The following ATP5MC2 variants were observed in gnomAD, a reference collection of about 807,000 sequenced individuals.
ATP5MC2 encodes ATP synthase F(0) complex subunit C2, mitochondrial.
Under a neutral mutation model 13.5 loss-of-function variants are expected in ATP5MC2, and 11 were observed. The ratio of observed to expected loss-of-function variants is 0.81; its 90% confidence interval spans 0.51 to 1.35. The LOEUF is 1.35. Ranked by LOEUF, ATP5MC2 falls within the 40% of genes most tolerant of loss-of-function variation. ATP5MC2 has a pLI of 0.00. For missense variants in ATP5MC2, 132 were observed against 175.0 expected (o/e 0.75, Z 1.39); for synonymous variants, 64 against 69.7 (o/e 0.92, Z 0.41).
upstream of ATP5MC2, among the ~76,000 whole-genome samples, chr12:53,681,341 C>T (rs867065068): frequency 2.0e-4 from 30 of 151,318 alleles, no homozygotes; most frequent in African/African-American, 5.1e-4. Flanking sequence ...GCCTGGCCAA[C>T]GTGGTGAAAC....
intron 3 of ATP5MC2, 107 bp downstream of exon 3, chr12:53,669,764 T>C: frequency 8.2e-7 from 1 of 1,215,540 alleles, no homozygotes; most frequent in South Asian, 1.3e-5. Context: ...CATTCATGAA[T>C]TTTAGCCTGT....
intron 2 of ATP5MC2, among the ~76,000 whole-genome samples, chr12:53,670,609 T>C (rs901321163): frequency 2.0e-5 from 3 of 151,248 alleles, no homozygotes; most frequent in Admixed American, 6.6e-5. Context: ...CGAAGTATGG[T>C]TTCTTTCTTT....
At chr12:53,668,452 C>T (rs936161789) in intron 4 of ATP5MC2, among the ~76,000 whole-genome samples, 5 of 151,608 alleles carry the variant, frequency 3.3e-5, no homozygotes, top group African/African-American at 9.7e-5. Flanking sequence ...TATAGGTGCA[C>T]GCCCCCCTTA....
rs916010110 is a variant in ATP5MC2 at position 53,672,083 on chromosome 12, C to CAAAAAAAAAAAAAAA, written c.39+478_39+492dup. Among the ~76,000 whole-genome samples the CAAAAAAAAAAAAAAA allele has an allele frequency of 1.1e-3, 51 of 47,164 alleles. 3 individuals carry two copies. The East Asian group carries it at 0.011, about 10-fold the overall frequency. The allele number at this position is 47,164 out of a possible 152,430, so 30.9% of individuals were successfully genotyped here. A position where few individuals can be genotyped will look rare whatever the true frequency, so the allele number is the denominator to read the frequency against. On this transcript the variant is annotated intron_variant, in intron 2 of 4. Transcript: ENST00000394349. ...GGGCAACAAGAGCGAAACTCTGTCT[C>CAAAAAAAAAAAAAAA]AAAAAAAAAAAAAAAAAAAAAATTA...
chr12:53,672,529 A>C, intron 2 of ATP5MC2, 47 bp downstream of exon 2: 3 of 1,511,930 alleles, frequency 2.0e-6, no homozygotes, highest in Non-Finnish European at 2.7e-6. Flanking sequence ...AAAGAGAGAG[A>C]CAAGATGTCT....
intron 1 of ATP5MC2, among the ~76,000 whole-genome samples, chr12:53,675,379 G>A (rs1323264770): frequency 1.3e-5 from 2 of 152,160 alleles, no homozygotes; most frequent in African/African-American, 2.4e-5. Context: ...CCCACCATTT[G>A]TGACTTTTAC....
At chr12:53,679,519 C>T (rs1021198835), upstream of ATP5MC2, among the ~76,000 whole-genome samples, 2 of 152,178 alleles carry the variant, frequency 1.3e-5, no homozygotes, top group Non-Finnish European at 2.9e-5. Flanking sequence ...CTTCATCTCT[C>T]GAAGCTTTAG....
intron 2 of ATP5MC2, chr12:53,670,165 G>A (rs1157455255): frequency 1.7e-5 from 10 of 587,144 alleles, no homozygotes; most frequent in Non-Finnish European, 2.2e-5. Flanking sequence ...TTTGCTTTAA[G>A]GAAAGAAAGT....
chr12:53,674,152 G>A (rs117736416), intron 1 of ATP5MC2: 1 of 152,216 alleles, frequency 6.6e-6, no homozygotes, highest in African/African-American at 2.4e-5. Flanking sequence ...TTTGAGACCA[G>A]CCTGGGCAAA....
At chr12:53,665,862 G>A (rs1944899626) in intron 4 of ATP5MC2, among the ~76,000 whole-genome samples, 1 of 152,208 alleles carries the variant, frequency 6.6e-6, no homozygotes, top group Non-Finnish European at 1.5e-5. Context: ...AATTTTAACG[G>A]CTTGGTCTCC....
rs1031598538 is a variant in ATP5MC2 at position 53,672,370 on chromosome 12, C to T, written c.39+206G>A. Among the ~76,000 whole-genome samples, 23 of 152,122 alleles carry T rather than the reference C, an allele frequency of 1.5e-4. No individual in the cohort carries two copies. The East Asian group carries it at 2.7e-3, about 18-fold the overall frequency. On this transcript the variant is annotated intron_variant, in intron 2 of 4. Transcript: ENST00000394349. ...CTGAGTAGCTGGGATTACAGGCGCC[C>T]GCCACCATGCCCAACTGGTTTTCGT...
At chr12:53,667,938 CATACATACATACACACACATATATAT>C (rs1944965617) in intron 4 of ATP5MC2, among the ~76,000 whole-genome samples, 1 of 89,606 alleles carries the variant, frequency 1.1e-5, no homozygotes, top group African/African-American at 4.4e-5. Context: ...CATTCTAATA[CATACATACATACACACACATATATAT>C]ATATATATAT....
chr12:53,675,782 C>G (rs1412054959), intron 1 of ATP5MC2, among the ~76,000 whole-genome samples: 1 of 152,178 alleles, frequency 6.6e-6, no homozygotes, highest in Non-Finnish European at 1.5e-5. Context: ...CTGGGTGGAA[C>G]AGGTGAAAAG....
chr12:53,671,775 T>C (rs2138034950), intron 2 of ATP5MC2, among the ~76,000 whole-genome samples: 1 of 152,250 alleles, frequency 6.6e-6, no homozygotes, highest in East Asian at 1.9e-4. Context: ...CTCATGCCTA[T>C]AATATCAGCA....
chr12:53,678,367 T>C (rs150150891), upstream of ATP5MC2, among the ~76,000 whole-genome samples: 374 of 83,052 alleles, frequency 4.5e-3, no homozygotes, highest in Middle Eastern at 6.0e-3. Context: ...ACCACCACCA[T>C]CACCACCATC....
chr12:53,677,201 G>C (rs908741246), upstream of ATP5MC2: 1 of 152,472 alleles, frequency 6.6e-6, no homozygotes, highest in Non-Finnish European at 1.5e-5. Flanking sequence ...CCCGGCTCCC[G>C]GGCCCCGCGG....
At chr12:53,667,994 T>TAA (rs1455890976) in intron 4 of ATP5MC2, among the ~76,000 whole-genome samples, 3 of 88,240 alleles carry the variant, frequency 3.4e-5, no homozygotes, top group African/African-American at 9.0e-5. Context: ...TATATATATA[T>TAA]AAATTTTTTT....
In ATP5MC2 at chr12:53,669,216, T is replaced by G; in HGVS notation, c.243A>C (p.Thr81=). The G allele has an allele frequency of 1.2e-6, 2 of 1,613,938 alleles. No homozygotes were observed. The highest frequency in any genetic ancestry group is 1.7e-5 in the Admixed American group (1 of 59,996). The change falls in exon 4 of 5, where the codon ACA becomes ACC. Residue 81 remains threonine (T), a synonymous_variant. Transcript: ENST00000394349. ...CAGCCCCAGAACCAGCCACCCCAACTGTGGCAGCCCCAGCTCCAATGAACT... is the reference window on the plus strand; with the variant it reads ...CAGCCCCAGAACCAGCCACCCCAACGGTGGCAGCCCCAGCTCCAATGAACT... ...AAKFIGAGAA[T]VGVAGSGAGI... is the part of the protein sequence containing the mutation.
intron 3 of ATP5MC2, 149 bp downstream of exon 3, chr12:53,669,722 C>T: frequency 1.2e-6 from 1 of 838,550 alleles, no homozygotes; most frequent in Non-Finnish European, 1.9e-6. Context: ...ATTAAGTGTC[C>T]TCCATCTCCA....
Sources: allele counts gnomAD v4.1 joint callset (sites outside exome capture counted in the v4.1 genomes callset), GRCh38; gene constraint gnomAD v4.1.1; transcripts MANE v1.5; gene names NCBI Gene and HGNC (gene_info 2026-07-23, HGNC 2026-07-21).